Variants in AACS observed in about 807,000 individuals in gnomAD.
AACS encodes acetoacetyl-CoA synthetase, also known as acetoacetate-CoA ligase.
In AACS, 69 loss-of-function variants were observed where a neutral mutation model predicts 83.1. The observed-to-expected ratio is 0.83, with a 90% confidence interval of 0.68 to 1.01. AACS has a LOEUF of 1.01. Ranked by LOEUF, AACS falls within the 50% of genes least tolerant of loss-of-function variation. The probability of loss-of-function intolerance (pLI) is 0.00; values close to 1 mark genes in which losing one functional copy is unlikely to be tolerated. For synonymous variants in AACS, 333 were observed against 343.4 expected (o/e 0.97, Z 0.33); for missense variants, 866 against 882.2 (o/e 0.98, Z 0.23).
intron 17 of AACS, chr12:125,141,026 T>C (rs1011060279): frequency 7.2e-5 from 11 of 152,282 alleles, no homozygotes; most frequent in Admixed American, 2.0e-4. Context: ...GTGTGTGCAC[T>C]GATTCATTCA....
At chr12:125,069,938 G>C (rs1955814584) in intron 1 of AACS, among the ~76,000 whole-genome samples, 1 of 152,218 alleles carries the variant, frequency 6.6e-6, no homozygotes, top group South Asian at 2.1e-4. Context: ...GACAGATGCA[G>C]CTGACGGCTG....
chr12:125,125,056 C>T, intron 12 of AACS, 32 bp downstream of exon 12: 1 of 1,611,992 alleles, frequency 6.2e-7, no homozygotes, highest in Non-Finnish European at 8.5e-7. Flanking sequence ...TCCTTCCAGC[C>T]ATCCCCGCCG....
intron 14 of AACS, among the ~76,000 whole-genome samples, chr12:125,133,455 C>G (rs1008998416): frequency 6.6e-5 from 10 of 152,224 alleles, no homozygotes; most frequent in Admixed American, 6.5e-4. Flanking sequence ...TTCCCCGTCT[C>G]CTCATCCCCT....
At chr12:125,080,382 A>C (rs1956141901) in intron 3 of AACS, among the ~76,000 whole-genome samples, 1 of 152,128 alleles carries the variant, frequency 6.6e-6, no homozygotes, top group Admixed American at 6.5e-5. Flanking sequence ...AAAAACTAAA[A>C]ATATACTTGA....
At chr12:125,066,371 G>C (rs527586783) in intron 1 of AACS, among the ~76,000 whole-genome samples, 51 of 151,496 alleles carry the variant, frequency 3.4e-4, no homozygotes, top group African/African-American at 1.2e-3. Flanking sequence ...CGCTCCGGGT[G>C]CTCTTCCTGA....
At chr12:125,071,590 A>G (rs1955863349) in intron 1 of AACS, among the ~76,000 whole-genome samples, 1 of 152,228 alleles carries the variant, frequency 6.6e-6, no homozygotes, top group African/African-American at 2.4e-5. Context: ...AGGCTGAATC[A>G]GACCTGGGCT....
intron 3 of AACS, among the ~76,000 whole-genome samples, chr12:125,079,458 T>C: frequency 6.6e-6 from 1 of 152,160 alleles, no homozygotes; most frequent in Non-Finnish European, 1.5e-5. Context: ...CGTGGCTCAC[T>C]GCAGCCTCGA....
In AACS at chr12:125,115,260, G is replaced by GTT. The variant is rs1160254486; in HGVS notation, c.996+720_996+721dup. The stretch of plus-strand genomic sequence containing the variant: ...GTCCTAGGTGATGCTTCTGTGCTGA[G>GTT]TTTTTTTTTTTTTTTTTTGCGATGA... On this transcript the variant is annotated intron_variant, in intron 9 of 17. Coordinates refer to ENST00000316519, the MANE Select transcript of AACS (RefSeq NM_023928.5). Among the ~76,000 whole-genome samples the GTT allele has an allele frequency of 6.5e-4, 86 of 132,874 alleles. 1 individual carries two copies. Among genetic ancestry groups the GTT allele is most frequent in the African/African-American group, 8.5e-4 (31 of 36,504 alleles). The allele number at this position is 132,874 out of a possible 152,430, so 87.2% of individuals were successfully genotyped here. A position where few individuals can be genotyped will look rare whatever the true frequency, so the allele number is the denominator to read the frequency against.
chr12:125,099,796 C>T (rs10047564), intron 5 of AACS, among the ~76,000 whole-genome samples: 71,082 of 151,982 alleles, frequency 0.47, 17,138 homozygotes, highest in East Asian at 0.65. Flanking sequence ...CTGCCTCAGC[C>T]TCCCAAGTAG....
Position 125,133,999 on chromosome 12 carries a change from G to A in AACS, c.1550-4G>A. The stretch of plus-strand genomic sequence containing the variant: ...ATGACCGGGCACCTCTGCTGTCTTT[G>A]CAGGTATCTGGGCTCATGGCGACTA... On this transcript the variant is annotated splice_polypyrimidine_tract_variant and splice_region_variant and intron_variant, in intron 14 of 17. Transcript: ENST00000316519. 6.2e-7 allele frequency: 1 copy of A among 1,614,150 alleles called. No homozygotes were observed. The highest frequency in any genetic ancestry group is 8.5e-7 in the Non-Finnish European group (1 of 1,180,016).
chr12:125,079,332 T>A lies in AACS; in HGVS notation c.358+2721T>A, dbSNP rs182807465. On this transcript the variant is annotated intron_variant, in intron 3 of 17. Transcript: ENST00000316519. The stretch of plus-strand genomic sequence containing the variant: ...TGCTGGGTGGAGAACGGGAAGGGAT[T>A]GCATCATGGGAAAGGAGACTTAGGG... 1.1e-3 allele frequency among the ~76,000 whole-genome samples: 174 copies of A among 152,234 alleles called. 2 individuals carry two copies. The highest frequency in any genetic ancestry group is 3.9e-3 in the African/African-American group (164 of 41,540).
At position 125,129,285 on chromosome 12, in the gene AACS, G is replaced by A. The variant is rs1444104044; in HGVS notation, c.1424-50G>A. 3.8e-6 allele frequency: 6 copies of A among 1,570,964 alleles called. No homozygotes were observed. The highest frequency in any genetic ancestry group is 1.9e-5 in the Admixed American group (1 of 53,158). ...TAAGAAAGAGAGAGAGACAGCCAGG[G>A]TGTGTGGCTGTGGTGTGTGTTGGGC... On this transcript the variant is annotated intron_variant, in intron 13 of 17. Coordinates refer to ENST00000316519, the MANE Select transcript of AACS (RefSeq NM_023928.5). The surrounding 1 kb of genome is among the most constrained non-coding windows in gnomAD (Gnocchi z 4.3).
chr12:125,076,441 G>T, intron 2 of AACS, 50 bp from the exon 3 acceptor site: 1 of 1,600,096 alleles, frequency 6.2e-7, no homozygotes, highest in Non-Finnish European at 8.5e-7. Flanking sequence ...TTGCTGATCT[G>T]TAGCGTAGTC....
rs777269472 is a variant in AACS at position 125,128,259 on chromosome 12, G to A, written c.1408G>A (p.Ala470Thr). ...QARNLGMAVE[A>T]WNEEGKAVWG... is the part of the protein sequence containing the mutation. ...CCGGAACCTGGGCATGGCCGTGGAA[G>A]CGTGGAACGAGGAAGGTGATGGCTC... Residue 470 changes from alanine (A) to threonine (T), a missense_variant, in exon 13 of 18, where the codon GCG becomes ACG. Transcript: ENST00000316519. The A allele has an allele frequency of 6.2e-7, 1 of 1,612,068 alleles. No homozygotes were observed.
intron 8 of AACS, among the ~76,000 whole-genome samples, chr12:125,111,722 G>C (rs1313787431): frequency 6.6e-6 from 1 of 152,212 alleles, no homozygotes; most frequent in Non-Finnish European, 1.5e-5. Context: ...AAAGGTGTCA[G>C]AAAGTGGCTC....
At chr12:125,111,362 G>A (rs1048246508) in intron 8 of AACS, among the ~76,000 whole-genome samples, 2 of 152,136 alleles carry the variant, frequency 1.3e-5, no homozygotes, top group African/African-American at 4.8e-5. Context: ...AAATGGAAAT[G>A]TATAACTGTA....
chr12:125,107,822 A>G (rs1956867094), intron 8 of AACS, among the ~76,000 whole-genome samples: 1 of 152,056 alleles, frequency 6.6e-6, no homozygotes, highest in Non-Finnish European at 1.5e-5. Flanking sequence ...AATTAACTGG[A>G]CGTGGTGGCA....
chr12:125,079,896 C>G (rs2136050575), intron 3 of AACS, among the ~76,000 whole-genome samples: 1 of 152,362 alleles, frequency 6.6e-6, no homozygotes, highest in East Asian at 1.9e-4. Flanking sequence ...ACCCACCTCT[C>G]TGCTTTCTTT....
chr12:125,106,325 TCTC>T (rs1956833628), intron 7 of AACS, among the ~76,000 whole-genome samples: 1 of 152,196 alleles, frequency 6.6e-6, no homozygotes, highest in South Asian at 2.1e-4. Flanking sequence ...AGAAAACAAA[TCTC>T]CTGTTTGTGT....
Sources: allele counts gnomAD v4.1 joint callset (sites outside exome capture counted in the v4.1 genomes callset), GRCh38; gene constraint gnomAD v4.1.1; non-coding constraint Gnocchi (gnomAD v3.1); transcripts MANE v1.5; gene names NCBI Gene and HGNC (gene_info 2026-07-23, HGNC 2026-07-21).